Variants in CSMD1 observed in about 807,000 individuals in gnomAD.
The protein encoded by CSMD1 is CUB and sushi domain-containing protein 1.
In CSMD1, 213 loss-of-function variants were observed where a neutral mutation model predicts 417.5. The observed-to-expected ratio is 0.51, with a 90% CI of 0.46 to 0.57. The LOEUF (loss-of-function observed/expected upper bound fraction) is 0.57, where lower values mean the gene tolerates loss of function less well. CSMD1 is among the 20% of genes least tolerant of loss of function. The pLI is 0.00. For missense variants in CSMD1, 6,923 were observed against 4,529.7 expected (o/e 1.53, Z -15.17); for synonymous variants, 2,862 against 1,736.8 (o/e 1.65, Z -16.11).
At chr8:4,543,464 G>A (rs1005788288) in intron 2 of CSMD1, among the ~76,000 whole-genome samples, 6 of 152,014 alleles carry the variant, frequency 3.9e-5, no homozygotes, top group African/African-American at 1.4e-4. Flanking sequence ...GCCCTTGCAT[G>A]AATTAATTGT....
chr8:4,068,654 A>AT (rs1190903693), intron 3 of CSMD1, among the ~76,000 whole-genome samples: 3 of 152,214 alleles, frequency 2.0e-5, no homozygotes, highest in Non-Finnish European at 4.4e-5. Flanking sequence ...TGAGTTTAAG[A>AT]TAAAAAAAAT....
At chr8:4,736,463 G>A (rs1810240707) in intron 1 of CSMD1, among the ~76,000 whole-genome samples, 2 of 152,182 alleles carry the variant, frequency 1.3e-5, no homozygotes, top group Admixed American at 6.5e-5. Flanking sequence ...CCCCTCAGGT[G>A]GGCAAATACA....
chr8:4,218,986 T>C (rs889852481), intron 3 of CSMD1, among the ~76,000 whole-genome samples: 1 of 152,340 alleles, frequency 6.6e-6, no homozygotes, highest in South Asian at 2.1e-4. Flanking sequence ...ACTCCCGGTG[T>C]ACAGCAATTA....
intron 10 of CSMD1, among the ~76,000 whole-genome samples, chr8:3,567,377 C>G (rs1222203432): frequency 6.6e-6 from 1 of 151,204 alleles, no homozygotes; most frequent in Non-Finnish European, 1.5e-5. Context: ...CACAAGTTTA[C>G]CTATATAACA....
chr8:4,871,928 T>C (rs1308566079), intron 1 of CSMD1, among the ~76,000 whole-genome samples: 2 of 152,052 alleles, frequency 1.3e-5, no homozygotes, highest in Admixed American at 1.3e-4. Flanking sequence ...CTGGTTTTCA[T>C]TTACCCACTA....
At chr8:4,024,989 G>C (rs1175199675) in intron 4 of CSMD1, among the ~76,000 whole-genome samples, 2 of 152,212 alleles carry the variant, frequency 1.3e-5, no homozygotes, top group Non-Finnish European at 2.9e-5. Context: ...AGGCCTGGGT[G>C]GGTTTAAACG....
chr8:3,397,521 A>G (rs1032671875), intron 16 of CSMD1, among the ~76,000 whole-genome samples: 2 of 152,326 alleles, frequency 1.3e-5, no homozygotes, highest in South Asian at 4.1e-4. Flanking sequence ...CCATTTGTAT[A>G]TCACACATCT....
At chr8:3,938,356 T>C (rs534433141) in intron 5 of CSMD1, among the ~76,000 whole-genome samples, 1 of 152,264 alleles carries the variant, frequency 6.6e-6, no homozygotes, top group East Asian at 1.9e-4. Flanking sequence ...CATAAAGTAA[T>C]AGAGTCAAAA....
intron 2 of CSMD1, among the ~76,000 whole-genome samples, chr8:4,449,504 T>A (rs940999807): frequency 6.6e-6 from 1 of 152,208 alleles, no homozygotes; most frequent in Non-Finnish European, 1.5e-5. Context: ...AAGTTACTTG[T>A]CATTTTTTGT....
At chr8:2,939,051 A>T (rs796166099) in intron 69 of CSMD1, among the ~76,000 whole-genome samples, 23 of 152,312 alleles carry the variant, frequency 1.5e-4, no homozygotes, top group African/African-American at 4.3e-4. Context: ...TTCAGCCTTG[A>T]CCTCTTGGGC....
At chr8:3,953,974 C>T (rs1215977462) in intron 5 of CSMD1, among the ~76,000 whole-genome samples, 1 of 152,152 alleles carries the variant, frequency 6.6e-6, no homozygotes, top group African/African-American at 2.4e-5. Context: ...CGCACAGGAG[C>T]CCTTCCTTCC....
chr8:4,226,747 G>T (rs1246256834), intron 3 of CSMD1, among the ~76,000 whole-genome samples: 2 of 151,968 alleles, frequency 1.3e-5, no homozygotes, highest in Non-Finnish European at 2.9e-5. Flanking sequence ...AGTTAACCTG[G>T]CACTGAGCTT....
In CSMD1 at chr8:3,214,729, G is replaced by A. The variant is rs937365488; in HGVS notation, c.4673-38C>T. On this transcript the variant is annotated intron_variant, in intron 29 of 69. Transcript: ENST00000635120. ...TGAATGTAAACTGCATGAGAGCAGG[G>A]ATCTTATTCTTGTTTGTGTTTTTGT... 1.3e-5 allele frequency: 19 copies of A among 1,478,122 alleles called. No homozygotes were observed. In the Admixed American group the frequency reaches 1.6e-4, roughly 12 times the overall value. The allele number at this position is 1,478,122 out of a possible 1,614,324, so 91.6% of individuals were successfully genotyped here.
At chr8:4,172,692 T>G (rs184156048) in intron 3 of CSMD1, among the ~76,000 whole-genome samples, 80 of 152,320 alleles carry the variant, frequency 5.3e-4, no homozygotes, top group African/African-American at 1.9e-3. Flanking sequence ...ACATATTCAT[T>G]AGAATATTGC....
chr8:4,406,055 C>T (rs1487861764), intron 3 of CSMD1, among the ~76,000 whole-genome samples: 3 of 152,166 alleles, frequency 2.0e-5, no homozygotes, highest in Admixed American at 2.0e-4. Context: ...GAAACAATGC[C>T]AGCAACTTTA....
At position 4,716,925 on chromosome 8, in the gene CSMD1, T is replaced by C. The variant is rs555096376; in HGVS notation, c.86-79367A>G. On this transcript the variant is annotated intron_variant, in intron 1 of 69. Transcript: ENST00000635120. ...AAAAATCATATCTAGACTTTAACAATGAGATCCAATAGGTTAAAAAATGAA... is the reference window on the plus strand; with the variant it reads ...AAAAATCATATCTAGACTTTAACAACGAGATCCAATAGGTTAAAAAATGAA... Among the ~76,000 whole-genome samples the C allele has an allele frequency of 1.8e-3, 277 of 152,184 alleles. 9 individuals are homozygous for C. In the South Asian group the frequency reaches 0.049, roughly 27 times the overall value.
chr8:3,228,694 T>G (rs1420669354), intron 27 of CSMD1, among the ~76,000 whole-genome samples: 1 of 152,126 alleles, frequency 6.6e-6, no homozygotes, highest in Non-Finnish European at 1.5e-5. Context: ...TTAATATAAA[T>G]TAATAAATTA....
rs534820866 is a variant in CSMD1 at position 4,825,029 on chromosome 8, T to C, written c.85+169303A>G. On this transcript the variant is annotated intron_variant, in intron 1 of 69. Coordinates refer to ENST00000635120, the MANE Select transcript of CSMD1 (RefSeq NM_033225.6). ...GCCATGTTTATGACACTTAGGTTTTTATCCTTTTTGAAGTCAAGCTTCTCT... is the reference window on the plus strand; with the variant it reads ...GCCATGTTTATGACACTTAGGTTTTCATCCTTTTTGAAGTCAAGCTTCTCT... Among the ~76,000 whole-genome samples the C allele has an allele frequency of 3.3e-5, 5 of 152,242 alleles. No individual in the cohort carries two copies. In the South Asian group the frequency reaches 6.2e-4, roughly 19 times the overall value.
At chr8:4,905,687 G>A (rs1404867903) in intron 1 of CSMD1, among the ~76,000 whole-genome samples, 2 of 151,768 alleles carry the variant, frequency 1.3e-5, no homozygotes, top group Non-Finnish European at 2.9e-5. Context: ...GGGCGTGGTG[G>A]CGGGCGCCTG....
Sources: allele counts gnomAD v4.1 joint callset (sites outside exome capture counted in the v4.1 genomes callset), GRCh38; gene constraint gnomAD v4.1.1; transcripts MANE v1.5; gene names NCBI Gene and HGNC (gene_info 2026-07-23, HGNC 2026-07-21).